Variants in LRRTM4 observed in about 807,000 individuals in gnomAD.
LRRTM4 encodes the protein leucine rich repeat transmembrane neuronal 4.
A neutral mutation model predicts 47.6 loss-of-function variants in LRRTM4; 25 were observed. The observed-to-expected ratio is 0.53, with a 90% confidence interval of 0.38 to 0.73. LRRTM4 has a LOEUF of 0.73. LRRTM4 is among the 30% of genes least tolerant of loss of function. The pLI, the probability that LRRTM4 is intolerant of heterozygous loss-of-function variation, is 0.00. For missense variants in LRRTM4, 638 were observed against 713.4 expected (o/e 0.89, Z 1.20); for synonymous variants, 311 against 269.5 (o/e 1.15, Z -1.51).
At chr2:77,098,184 T>A (rs1032338190) in intron 3 of LRRTM4, among the ~76,000 whole-genome samples, 10 of 151,876 alleles carry the variant, frequency 6.6e-5, no homozygotes, top group African/African-American at 1.4e-4. Flanking sequence ...TAAAAAAAAA[T>A]TTTGTGGAAG....
chr2:77,163,345 G>A (rs570844836), intron 3 of LRRTM4, among the ~76,000 whole-genome samples: 14 of 152,272 alleles, frequency 9.2e-5, no homozygotes, highest in African/African-American at 3.1e-4. Flanking sequence ...ACAAATCTAC[G>A]TCTGATTGGT....
Position 76,850,027 on chromosome 2 carries a change from T to C in LRRTM4, c.1552-101111A>G, listed in dbSNP as rs1170191192. Among the ~76,000 whole-genome samples, 4 of 151,622 alleles carry C rather than the reference T, an allele frequency of 2.6e-5. 1 individual carries two copies. The highest frequency in any genetic ancestry group is 9.8e-5 in the African/African-American group (4 of 40,940). On this transcript the variant is annotated intron_variant, in intron 3 of 3. Transcript: ENST00000409884. ...TGTCCTCATGTGTATAAGTGGCTTA[T>C]CATTTGTTACTGATAGATAATTATT...
intron 3 of LRRTM4, among the ~76,000 whole-genome samples, chr2:77,075,914 C>CAAAAAAAAAAAAAAAAAAAA (rs61718845): frequency 1.4e-4 from 5 of 36,854 alleles, no homozygotes; most frequent in African/African-American, 4.3e-4. Context: ...GACTCCGTCT[C>CAAAAAAAAAAAAAAAAAAAA]AAAAAAAAAA....
chr2:77,135,404 G>C (rs1462123257), intron 3 of LRRTM4, among the ~76,000 whole-genome samples: 1 of 152,138 alleles, frequency 6.6e-6, no homozygotes, highest in Non-Finnish European at 1.5e-5. Context: ...TTATCAGTGA[G>C]GAGTTCTCCA....
intron 3 of LRRTM4, among the ~76,000 whole-genome samples, chr2:77,040,097 C>G (rs1678975169): frequency 6.6e-6 from 1 of 151,034 alleles, no homozygotes; most frequent in African/African-American, 2.4e-5. Flanking sequence ...TAAAAACTGT[C>G]ACCTGATTAA....
chr2:76,789,543 T>A (rs1262973066), intron 3 of LRRTM4, among the ~76,000 whole-genome samples: 1 of 152,236 alleles, frequency 6.6e-6, no homozygotes, highest in East Asian at 1.9e-4. Flanking sequence ...TCTGAGGTCC[T>A]GTGGCACCAG....
intron 3 of LRRTM4, among the ~76,000 whole-genome samples, chr2:77,143,632 CTG>C (rs995183830): frequency 6.6e-6 from 1 of 152,102 alleles, no homozygotes; most frequent in Non-Finnish European, 1.5e-5. Context: ...ACTAGAAAAA[CTG>C]TATCATCTGC....
At chr2:76,989,438 T>G (rs1236421775) in intron 3 of LRRTM4, among the ~76,000 whole-genome samples, 2 of 151,920 alleles carry the variant, frequency 1.3e-5, no homozygotes, top group Non-Finnish European at 1.5e-5. Flanking sequence ...ATTTTGAATC[T>G]GCAACTGTAT....
chr2:76,814,159 A>G (rs1670829551), intron 3 of LRRTM4, among the ~76,000 whole-genome samples: 1 of 152,078 alleles, frequency 6.6e-6, no homozygotes, highest in East Asian at 1.9e-4. Flanking sequence ...GTTTTTGGTA[A>G]AATACCATTT....
chr2:77,407,985 C>A (rs1369934250), intron 3 of LRRTM4, among the ~76,000 whole-genome samples: 1 of 151,776 alleles, frequency 6.6e-6, no homozygotes, highest in African/African-American at 2.4e-5. Flanking sequence ...AAACCAATAA[C>A]CTGTCTTCTT....
intron 3 of LRRTM4, among the ~76,000 whole-genome samples, chr2:76,961,504 TTA>T (rs1285032291): frequency 6.6e-6 from 1 of 151,368 alleles, no homozygotes; most frequent in African/African-American, 2.4e-5. Flanking sequence ...CAGAATCTCA[TTA>T]TATATTTTCT....
rs1553423281 is a variant in LRRTM4 at position 76,873,533 on chromosome 2, T to TAC, written c.1552-124619_1552-124618dup. 1.3e-3 allele frequency among the ~76,000 whole-genome samples: 188 copies of TAC among 145,190 alleles called. 1 individual carries two copies. Among genetic ancestry groups the TAC allele is most frequent in the African/African-American group, 4.5e-3 (175 of 38,966 alleles). On this transcript the variant is annotated intron_variant, in intron 3 of 3. Transcript: ENST00000409884. ...ATATATATATATATATATATATATA[T>TAC]ACAACATAGTTGTAAAATCAACTTT...
intron 3 of LRRTM4, among the ~76,000 whole-genome samples, chr2:76,787,765 A>G (rs770340859): frequency 2.3e-4 from 35 of 152,066 alleles, no homozygotes; most frequent in Non-Finnish European, 4.6e-4. Context: ...AACAATATAG[A>G]TATTCTGACA....
At chr2:77,013,264 G>T (rs1677940103) in intron 3 of LRRTM4, among the ~76,000 whole-genome samples, 1 of 152,202 alleles carries the variant, frequency 6.6e-6, no homozygotes, top group Admixed American at 6.5e-5. Context: ...TTTTTCTGCT[G>T]CTGTCAGTTG....
At chr2:76,948,182 T>A (rs958873420) in intron 3 of LRRTM4, among the ~76,000 whole-genome samples, 1 of 151,846 alleles carries the variant, frequency 6.6e-6, no homozygotes, top group Non-Finnish European at 1.5e-5. Flanking sequence ...AAAGTAGGAC[T>A]GTCTTTTGTT....
At chr2:77,355,907 A>C (rs570972038) in intron 3 of LRRTM4, among the ~76,000 whole-genome samples, 177 of 152,326 alleles carry the variant, frequency 1.2e-3, no homozygotes, top group African/African-American at 4.2e-3. Context: ...AGCCTGAGCA[A>C]CATGACAAAA....
At chr2:77,212,283 T>C (rs1414454131) in intron 3 of LRRTM4, among the ~76,000 whole-genome samples, 4 of 151,650 alleles carry the variant, frequency 2.6e-5, no homozygotes, top group Non-Finnish European at 5.9e-5. Context: ...TTAAGCACTA[T>C]AGAATTTTGG....
chr2:77,167,739 G>A (rs976405473), intron 3 of LRRTM4, among the ~76,000 whole-genome samples: 2 of 152,066 alleles, frequency 1.3e-5, no homozygotes, highest in African/African-American at 4.8e-5. Flanking sequence ...ACTCATAGGT[G>A]GGAATTAAAC....
chr2:77,213,425 A>G (rs893611079), intron 3 of LRRTM4, among the ~76,000 whole-genome samples: 6 of 152,132 alleles, frequency 3.9e-5, no homozygotes, highest in African/African-American at 1.4e-4. Context: ...TAAAATGGGC[A>G]TGGTAATAAT....
Sources: allele counts gnomAD v4.1 joint callset (sites outside exome capture counted in the v4.1 genomes callset), GRCh38; gene constraint gnomAD v4.1.1; transcripts MANE v1.5; gene names NCBI Gene and HGNC (gene_info 2026-07-23, HGNC 2026-07-21).